The following FNBP1 variants were observed in gnomAD, a reference collection of about 807,000 sequenced individuals.
FNBP1 encodes the protein formin-binding protein 1.
FNBP1 carries 26 observed loss-of-function variants against 90.6 expected under a neutral mutation model. The observed-to-expected ratio is 0.29, with a 90% CI of 0.21 to 0.40. The LOEUF (loss-of-function observed/expected upper bound fraction) is 0.40, where lower values mean the gene tolerates loss of function less well. Among genes scored for constraint, FNBP1 ranks in the 10% least tolerant of loss-of-function variants. The pLI, the probability that FNBP1 is intolerant of heterozygous loss-of-function variation, is 1.00. For missense variants in FNBP1, 635 were observed against 768.0 expected (o/e 0.83, Z 2.05); for synonymous variants, 260 against 265.2 (o/e 0.98, Z 0.19).
At chr9:129,911,225 A>C (rs2039220782) in intron 11 of FNBP1, among the ~76,000 whole-genome samples, 1 of 152,140 alleles carries the variant, frequency 6.6e-6, no homozygotes, top group Non-Finnish European at 1.5e-5. Flanking sequence ...GAATCTCTCT[A>C]TCTGACCTCC....
In FNBP1 at chr9:129,890,287, G is replaced by A. The variant is rs2034981553; in HGVS notation, c.*252C>T. ...GTCTCAGTGGCCTGCGCGGGGTGGG[G>A]AGGGGGAGCGATGAGGACTGACCCG... On this transcript the variant is annotated 3_prime_UTR_variant, in exon 17 of 17. Transcript: ENST00000446176. This position sits in a 1 kb window ranked among gnomAD's most constrained non-coding sequence, Gnocchi z 5.8. 1 of 540,244 alleles carries A rather than the reference G, an allele frequency of 1.9e-6. No homozygotes were observed. The highest frequency in any genetic ancestry group is 3.3e-6 in the Non-Finnish European group (1 of 304,420). The allele number at this position is 540,244 out of a possible 1,614,324, so 33.5% of individuals were successfully genotyped here.
chr9:129,915,253 C>T (rs1206003626), intron 11 of FNBP1, among the ~76,000 whole-genome samples: 1 of 152,026 alleles, frequency 6.6e-6, no homozygotes, highest in Non-Finnish European at 1.5e-5. Context: ...CTCCAGGCTC[C>T]CAGATTTTTT....
chr9:129,956,865 T>C (rs2047014592), intron 6 of FNBP1, among the ~76,000 whole-genome samples: 1 of 152,182 alleles, frequency 6.6e-6, no homozygotes, highest in Non-Finnish European at 1.5e-5. Context: ...TCTCAAATTC[T>C]AACACCGAAG....
intron 1 of FNBP1, among the ~76,000 whole-genome samples, chr9:130,034,589 A>G (rs2059143458): frequency 6.6e-6 from 1 of 152,212 alleles, no homozygotes; most frequent in African/African-American, 2.4e-5. Flanking sequence ...ATATCCACAC[A>G]AATTTATTTA....
chr9:130,033,867 T>G (rs1190064281), intron 1 of FNBP1, among the ~76,000 whole-genome samples: 1 of 113,354 alleles, frequency 8.8e-6, no homozygotes, highest in Non-Finnish European at 1.9e-5. Flanking sequence ...AAAAAAAAAA[T>G]TAGCCAGTCA....
At chr9:129,967,969 G>A (rs2048870940) in intron 4 of FNBP1, among the ~76,000 whole-genome samples, 1 of 152,002 alleles carries the variant, frequency 6.6e-6, no homozygotes, top group African/African-American at 2.4e-5. Context: ...CAGCCTTTCA[G>A]GTAGCTGGAA....
At chr9:130,021,076 T>C (rs200591079) in intron 1 of FNBP1, among the ~76,000 whole-genome samples, 1 of 152,180 alleles carries the variant, frequency 6.6e-6, no homozygotes, top group East Asian at 1.9e-4. Context: ...GTTATTTTTT[T>C]CCAAGTACTT....
At chr9:129,954,651 A>G (rs1258960929) in intron 6 of FNBP1, among the ~76,000 whole-genome samples, 1 of 152,212 alleles carries the variant, frequency 6.6e-6, no homozygotes. Flanking sequence ...CTTAAAAAAA[A>G]GCTCTTGGCA....
intron 15 of FNBP1, among the ~76,000 whole-genome samples, chr9:129,899,125 T>A (rs2036362871): frequency 6.6e-6 from 1 of 151,516 alleles, no homozygotes; most frequent in African/African-American, 2.4e-5. Context: ...TCACCCAGGC[T>A]GGAGTACAGT....
At chr9:129,992,879 T>C (rs2053410660) in intron 2 of FNBP1, among the ~76,000 whole-genome samples, 1 of 147,300 alleles carries the variant, frequency 6.8e-6, no homozygotes, top group Admixed American at 6.8e-5. Context: ...ATGCAGATGC[T>C]CTTTGGATTA....
intron 2 of FNBP1, among the ~76,000 whole-genome samples, chr9:129,993,845 G>A (rs1325058486): frequency 6.6e-6 from 1 of 150,542 alleles, no homozygotes; most frequent in Non-Finnish European, 1.5e-5. Flanking sequence ...GGCGGGTCTC[G>A]AACTCCTGAC....
upstream of FNBP1, among the ~76,000 whole-genome samples, chr9:130,045,232 C>T (rs1483638560): frequency 6.6e-6 from 1 of 152,162 alleles, no homozygotes; most frequent in Non-Finnish European, 1.5e-5. Flanking sequence ...GGCCAGCTAC[C>T]TATCTCCTAA....
In FNBP1 at chr9:129,887,678, C is replaced by T. The variant is rs2131125186; in HGVS notation, c.*2861G>A. On this transcript the variant is annotated 3_prime_UTR_variant, in exon 17 of 17. Transcript: ENST00000446176. Reference sequence around the variant, plus strand: ...AACAGCCCATGACAACCTTCTGTGCCTTTTTATACTTTCCCATCCTACAAA... The same window carrying T: ...AACAGCCCATGACAACCTTCTGTGCTTTTTTATACTTTCCCATCCTACAAA... 4.5e-6 allele frequency: 1 copy of T among 220,068 alleles called. No individual in the cohort carries two copies. Among genetic ancestry groups the T allele is most frequent in the East Asian group, 6.7e-5 (1 of 14,918 alleles). 13.6% of individuals were successfully genotyped at this position (220,068 alleles called of 1,614,324 possible).
the FNBP1 span, among the ~76,000 whole-genome samples, chr9:130,052,641 C>G: frequency 6.6e-6 from 1 of 151,862 alleles, no homozygotes; most frequent in Non-Finnish European, 1.5e-5. Context: ...GCCATGTTGC[C>G]CAGGCTGGTC....
chr9:129,894,598 A>G (rs1224304361), intron 16 of FNBP1, among the ~76,000 whole-genome samples: 3 of 152,172 alleles, frequency 2.0e-5, no homozygotes, highest in Admixed American at 1.3e-4. Flanking sequence ...CTGCCACACC[A>G]CGTTCTCTTT....
intron 11 of FNBP1, among the ~76,000 whole-genome samples, chr9:129,911,028 G>T (rs2039179384): frequency 6.6e-6 from 1 of 152,110 alleles, no homozygotes; most frequent in African/African-American, 2.4e-5. Context: ...ATATTTATTT[G>T]AAAACTGGAT....
intron 3 of FNBP1, 28 bp downstream of exon 3, chr9:129,979,290 A>T (rs772184508): frequency 1.8e-5 from 26 of 1,450,688 alleles, no homozygotes; most frequent in Non-Finnish European, 2.4e-5. Flanking sequence ...TGTGTCTATT[A>T]CAAGACAATT....
At chr9:129,958,574 T>C in intron 4 of FNBP1, 21 bp from the exon 5 acceptor site, 1 of 1,575,558 alleles carries the variant, frequency 6.3e-7, no homozygotes, top group Non-Finnish European at 8.6e-7. Flanking sequence ...GAAAACACAC[T>C]GGTGATTAGT....
rs1399068521 is a variant in FNBP1 at position 129,909,202 on chromosome 9, T to C, written c.1186-203A>G. On this transcript the variant is annotated intron_variant, in intron 11 of 16. Transcript: ENST00000446176. ...ATAAGTCCCATAAACCATTCCCAGT[T>C]CCATGGATGCTGGCCAGAATGCCCC... 4 of 603,082 alleles carry C rather than the reference T, an allele frequency of 6.6e-6. No homozygotes were observed. The African/African-American group carries it at 7.4e-5, about 11-fold the overall frequency. The allele number at this position is 603,082 out of a possible 1,614,324, so 37.4% of individuals were successfully genotyped here. A position where few individuals can be genotyped will look rare whatever the true frequency, so the allele number is the denominator to read the frequency against.
Sources: allele counts gnomAD v4.1 joint callset (sites outside exome capture counted in the v4.1 genomes callset), GRCh38; gene constraint gnomAD v4.1.1; non-coding constraint Gnocchi (gnomAD v3.1); transcripts MANE v1.5; gene names NCBI Gene and HGNC (gene_info 2026-07-23, HGNC 2026-07-21).